The following EBP variants were observed in gnomAD, a reference collection of about 807,000 sequenced individuals.
EBP encodes the protein EBP cholestenol delta-isomerase.
Under a neutral mutation model 14.1 loss-of-function variants are expected in EBP, and 1 was observed. The ratio of observed to expected loss-of-function variants is 0.07; its 90% CI spans 0.03 to 0.34. EBP has a LOEUF of 0.34. EBP is among the 10% of genes least tolerant of loss of function. The pLI is 0.99. For missense variants in EBP, 123 were observed against 184.6 expected (o/e 0.67, Z 1.93); for synonymous variants, 72 against 77.7 (o/e 0.93, Z 0.38).
intron 1 of EBP, among the ~76,000 whole-genome samples, chrX:48,522,533 C>T (rs1274994260): frequency 8.9e-6 from 1 of 111,802 alleles, no homozygotes. Context: ...GTGTTGTTCC[C>T]ATGTGCCTCC....
rs782034846 is a variant in EBP at position 48,522,804 on chromosome X, C to T, written c.-73-895C>T. ...TCTCCTGCCTCAGCCTCCTGAGTAG[C>T]TGTAACTACAGGCGCACGCCACCAC... On this transcript the variant is annotated intron_variant, in intron 1 of 4. Coordinates refer to ENST00000495186, the MANE Select transcript of EBP (RefSeq NM_006579.3). Among the ~76,000 whole-genome samples the T allele has an allele frequency of 1.6e-4, 18 of 112,166 alleles. 1 individual carries two copies. Among genetic ancestry groups the T allele is most frequent in the African/African-American group, 4.9e-4 (15 of 30,893 alleles).
intron 2 of EBP, among the ~76,000 whole-genome samples, chrX:48,525,357 G>A (rs1364953745): frequency 1.8e-5 from 2 of 110,715 alleles, no homozygotes; most frequent in African/African-American, 6.6e-5. Flanking sequence ...TTCCTTACAA[G>A]AAAACCAAAG....
At position 48,528,605 on chromosome X, in the gene EBP, G is replaced by A; in HGVS notation, c.*148G>A. 1 of 559,218 alleles carries A rather than the reference G, an allele frequency of 1.8e-6. No individual in the cohort carries two copies. The highest frequency in any genetic ancestry group is 3.0e-6 in the Non-Finnish European group (1 of 335,251). 46.1% of individuals were successfully genotyped at this position (559,218 alleles called of 1,213,427 possible). A position where few individuals can be genotyped will look rare whatever the true frequency, so the allele number is the denominator to read the frequency against. On this transcript the variant is annotated 3_prime_UTR_variant, in exon 5 of 5. Coordinates refer to ENST00000495186, the MANE Select transcript of EBP (RefSeq NM_006579.3). ...GGCAGGCACAAGAAGGGGAATAAAG[G>A]GGCTGTGTGAAGGCACTGCTGGGAG... is the stretch of plus-strand genomic sequence containing the variant.
At chrX:48,523,664 T>G in intron 1 of EBP, 35 bp from the exon 2 acceptor site, 1 of 847,405 alleles carries the variant, frequency 1.2e-6, no homozygotes, top group Non-Finnish European at 1.7e-6. Context: ...TGAATTTGAT[T>G]TTATTATCTC....
intron 1 of EBP, among the ~76,000 whole-genome samples, chrX:48,522,695 CAG>C (rs1437222327): frequency 1.7e-4 from 19 of 112,130 alleles, no homozygotes; most frequent in Non-Finnish European, 3.4e-4. Context: ...TATTTTGAGA[CAG>C]AGTCTCGCTC....
chrX:48,527,502 T>C (rs1241821517), intron 4 of EBP: 2 of 528,194 alleles, frequency 3.8e-6, no homozygotes, highest in African/African-American at 2.4e-5. Context: ...TCCTCCTCCT[T>C]CTCCATCACA....
Position 48,523,796 on chromosome X carries a change from C to G in EBP, c.25C>G (p.His9Asp). MTTNAGPL[H>D]PYWPQHLRLD... is the part of the protein sequence containing the mutation. ...CATGACTACCAACGCGGGCCCCTTGCACCCATACTGGCCTCAGCACCTAAG... is the reference window on the plus strand; with the variant it reads ...CATGACTACCAACGCGGGCCCCTTGGACCCATACTGGCCTCAGCACCTAAG... The change falls in exon 2 of 5, where the codon CAC (histidine) becomes GAC (aspartate). Residue 9 changes from histidine (H) to aspartate (D), a missense_variant. Physicochemically the swap from His to Asp is moderately conservative, Grantham distance 81. Coordinates refer to ENST00000495186, the MANE Select transcript of EBP (RefSeq NM_006579.3). The G allele has an allele frequency of 8.3e-7, 1 of 1,207,268 alleles. No individual in the cohort carries two copies. The highest frequency in any genetic ancestry group is 2.3e-4 in the Middle Eastern group (1 of 4,323).
rs1556977121 is a variant in EBP, at chrX:48,524,089, T to C, written c.301+17T>C. 7 of 1,205,363 alleles carry C rather than the reference T, an allele frequency of 5.8e-6. No individual in the cohort carries two copies. In the East Asian group the frequency reaches 2.1e-4, roughly 36 times the overall value. ...CTCAACTCTGTGAGTCCTGATTTCT[T>C]TCATATGCTGTGGGATGGGATTTGC... is the stretch of plus-strand genomic sequence containing the variant. On this transcript the variant is annotated intron_variant, in intron 2 of 4. Transcript: ENST00000495186.
chrX:48,527,209 A>C lies in EBP; in HGVS notation c.393A>C (p.Pro131=). The C allele has an allele frequency of 1.7e-6, 2 of 1,211,051 alleles. No individual in the cohort carries two copies. The highest frequency in any genetic ancestry group is 2.2e-6 in the Non-Finnish European group (2 of 895,281). The part of the protein sequence containing the change: ...METITACLWG[P]LSLWVVIAFL... ...CCATCACAGCTTGCCTGTGGGGACCACTCAGCCTGTGGGTGGTGATCGCCT... is the reference window on the plus strand; with the variant it reads ...CCATCACAGCTTGCCTGTGGGGACCCCTCAGCCTGTGGGTGGTGATCGCCT... Residue 131 remains proline, a synonymous_variant, in exon 4 of 5, where the codon CCA becomes CCC. Transcript: ENST00000495186.
rs1556977585 is a variant in EBP, at chrX:48,527,234, T to C, written c.418T>C (p.Phe140Leu). The C allele has an allele frequency of 8.3e-7, 1 of 1,211,389 alleles. No homozygotes were observed. The highest frequency in any genetic ancestry group is 3.0e-5 in the East Asian group (1 of 33,799). ...ACTCAGCCTGTGGGTGGTGATCGCC[T>C]TTCTCCGCCAGCATCCCCTCCGCTT... ...GPLSLWVVIA[F>L]LRQHPLRFIL... The change falls in exon 4 of 5, where the codon TTT (phenylalanine) becomes CTT (leucine). Residue 140 changes from phenylalanine to leucine, a missense_variant. Transcript: ENST00000495186.
chrX:48,525,125 T>C (rs2061775385), intron 2 of EBP, among the ~76,000 whole-genome samples: 1 of 112,500 alleles, frequency 8.9e-6, no homozygotes. Context: ...TAGTTGTTTA[T>C]GTTTCTTTTC....
Position 48,523,711 on chromosome X carries a change from C to CTTTTT in EBP, c.-47_-43dup, listed in dbSNP as rs782299900. ...TCTATTTGTCCAGGTTTTTCTGTTC[C>CTTTTT]TTTTTTTTTTTTTTTTTTAACTTCC... On this transcript the variant is annotated 5_prime_UTR_variant, in exon 2 of 5. Coordinates refer to ENST00000495186, the MANE Select transcript of EBP (RefSeq NM_006579.3). 3,984 of 856,353 alleles carry CTTTTT rather than the reference C, an allele frequency of 4.7e-3. 22 individuals carry two copies. Among genetic ancestry groups the CTTTTT allele is most frequent in the Middle Eastern group, 0.013 (32 of 2,400 alleles). 70.6% of individuals were successfully genotyped at this position (856,353 alleles called of 1,213,427 possible).
intron 3 of EBP, 43 bp downstream of exon 3, chrX:48,527,068 G>A (rs2061781377): frequency 6.6e-6 from 8 of 1,209,110 alleles, no homozygotes; most frequent in African/African-American, 1.8e-5. Context: ...ATTGGTTTTC[G>A]GGGGGTGGTG....
chrX:48,528,089 A>G, intron 4 of EBP, 145 bp from the exon 5 acceptor site: 1 of 505,958 alleles, frequency 2.0e-6, no homozygotes, highest in Non-Finnish European at 3.2e-6. Flanking sequence ...CACTTTTCTG[A>G]TTTCTCAGAT....
At chrX:48,528,036 C>A (rs1440463723) in intron 4 of EBP, among the ~76,000 whole-genome samples, 198 bp from the exon 5 acceptor site, 2 of 112,249 alleles carry the variant, frequency 1.8e-5, no homozygotes, top group Non-Finnish European at 3.8e-5. Flanking sequence ...GGTGTGAGCT[C>A]TCCTGAGTTC....
intron 4 of EBP, 70 bp from the exon 5 acceptor site, chrX:48,528,164 T>C: frequency 1.1e-6 from 1 of 932,216 alleles, no homozygotes; most frequent in East Asian, 3.3e-5. Context: ...GAAAGTGCTT[T>C]GGAATAGAGA....
At position 48,528,711 on chromosome X, in the gene EBP, C is replaced by G. The variant is rs782218029; in HGVS notation, c.*254C>G. On this transcript the variant is annotated 3_prime_UTR_variant, in exon 5 of 5. Coordinates refer to ENST00000495186, the MANE Select transcript of EBP (RefSeq NM_006579.3). ...AAAATCAGGAAATAAAAGATCTTGA[C>G]TCTAACACTGAGAGATCCTTAATTA... 1.2e-5 allele frequency: 5 copies of G among 415,211 alleles called. No homozygotes were observed. Among genetic ancestry groups the G allele is most frequent in the African/African-American group, 1.0e-4 (4 of 39,941 alleles). 34.2% of individuals were successfully genotyped at this position (415,211 alleles called of 1,213,427 possible). A position where few individuals can be genotyped will look rare whatever the true frequency, so the allele number is the denominator to read the frequency against.
intron 1 of EBP, among the ~76,000 whole-genome samples, chrX:48,522,881 C>T (rs1602087860): frequency 1.8e-5 from 2 of 110,899 alleles, no homozygotes; most frequent in East Asian, 5.7e-4. Flanking sequence ...CCATGTTGGC[C>T]GGGCTGGTCT....
chrX:48,527,964 C>T (rs927235793), intron 4 of EBP, among the ~76,000 whole-genome samples: 3 of 111,804 alleles, frequency 2.7e-5, no homozygotes. Flanking sequence ...TATGAGTTAT[C>T]TTTAGTCCCA....
Sources: allele counts gnomAD v4.1 joint callset (sites outside exome capture counted in the v4.1 genomes callset), GRCh38; gene constraint gnomAD v4.1.1; transcripts MANE v1.5; gene names NCBI Gene and HGNC (gene_info 2026-07-23, HGNC 2026-07-21).